Variants in PADI1 observed in about 807,000 individuals in gnomAD.
PADI1 encodes protein-arginine deiminase type-1.
Under a neutral mutation model 74.8 loss-of-function variants are expected in PADI1, and 65 were observed. The observed-to-expected ratio is 0.87, with a 90% CI of 0.71 to 1.07. The LOEUF (loss-of-function observed/expected upper bound fraction) is 1.07. Ranked by LOEUF, PADI1 falls within the 50% of genes least tolerant of loss-of-function variation. The probability of loss-of-function intolerance (pLI) is 0.00; values close to 1 mark genes in which losing one functional copy is unlikely to be tolerated. For synonymous variants in PADI1, 371 were observed against 336.2 expected, an observed-to-expected ratio of 1.10 and a Z score of -1.13; for missense variants, 943 against 854.0, an observed-to-expected ratio of 1.10 and a Z score of -1.30.
intron 2 of PADI1, among the ~76,000 whole-genome samples, chr1:17,222,714 C>T (rs1411364134): frequency 6.6e-6 from 1 of 152,176 alleles, no homozygotes; most frequent in East Asian, 1.9e-4. Flanking sequence ...ACAAGCTCTC[C>T]TAGTCACCCC....
intron 15 of PADI1, among the ~76,000 whole-genome samples, 196 bp downstream of exon 15, chr1:17,240,956 C>T (rs2072764306): frequency 1.3e-5 from 2 of 152,178 alleles, no homozygotes. Flanking sequence ...ATTTTTGTTG[C>T]CGCAGTGAGG....
rs11203335 is a variant in PADI1 at position 17,222,397 on chromosome 1, G to A, written c.200G>A (p.Arg67His). Reference protein sequence around the residue: ...TRVKEPIGKARWPLDTDADMV... With the variant: ...TRVKEPIGKAHWPLDTDADMV... Reference sequence around the variant, plus strand: ...GTGAAAGAGCCCATAGGCAAGGCCCGTTGGCCGCTAGACACTGATGCAGAC... The same window carrying A: ...GTGAAAGAGCCCATAGGCAAGGCCCATTGGCCGCTAGACACTGATGCAGAC... Residue 67 changes from arginine (R) to histidine (H), a missense_variant, in exon 2 of 16, where the codon CGT becomes CAT. Arg to His is a conservative substitution (Grantham distance 29). Coordinates refer to ENST00000375471, the MANE Select transcript of PADI1 (RefSeq NM_013358.3). 1,458 of 1,614,114 alleles carry A rather than the reference G, an allele frequency of 9.0e-4. 16 individuals carry two copies. The African/African-American group carries it at 0.017, about 19-fold the overall frequency.
chr1:17,236,200 C>A (rs968307430), intron 11 of PADI1, among the ~76,000 whole-genome samples: 2 of 152,112 alleles, frequency 1.3e-5, no homozygotes, highest in Non-Finnish European at 2.9e-5. Context: ...GAGAAACAGA[C>A]AATAAGTGAA....
chr1:17,236,882 G>A (rs2072655922), intron 11 of PADI1, among the ~76,000 whole-genome samples: 1 of 152,236 alleles, frequency 6.6e-6, no homozygotes, highest in Admixed American at 6.5e-5. Flanking sequence ...AATATTCCAG[G>A]GTGTAGAAAC....
At position 17,237,404 on chromosome 1, in the gene PADI1, C is replaced by T. The variant is rs1422659153; in HGVS notation, c.1404C>T (p.Leu468=). ...CCGTGGAGCTCTACTCGGACTGGCT[C>T]TCTGTGGGCCATGTGGACGAGTTTC... ...QAPVELYSDW[L]SVGHVDEFLT... is the part of the protein sequence containing the mutation. Residue 468 remains leucine, a synonymous_variant, in exon 12 of 16, where the codon CTC becomes CTT. Coordinates refer to ENST00000375471, the MANE Select transcript of PADI1 (RefSeq NM_013358.3). The T allele has an allele frequency of 6.2e-6, 10 of 1,613,740 alleles. No homozygotes were observed. The East Asian group carries it at 8.9e-5, about 14-fold the overall frequency.
rs2072220816 is a variant in PADI1, at chr1:17,223,545, G to A, written c.274-76G>A. On this transcript the variant is annotated intron_variant, in intron 2 of 15. Transcript: ENST00000375471. ...CTGTGCCTCTAAGTAGGGCTGTCAG[G>A]ATGTGTCCCTCATCACCTCTGCCTC... The A allele has an allele frequency of 2.5e-6, 3 of 1,206,206 alleles. No individual in the cohort carries two copies. In the South Asian group the frequency reaches 3.6e-5, roughly 15 times the overall value. The allele number at this position is 1,206,206 out of a possible 1,614,324, so 74.7% of individuals were successfully genotyped here.
chr1:17,212,054 CTG>C (rs2071845777), intron 1 of PADI1, among the ~76,000 whole-genome samples: 1 of 152,194 alleles, frequency 6.6e-6, no homozygotes, highest in Non-Finnish European at 1.5e-5. Context: ...AATGGGAGCC[CTG>C]TGTGCCCCAG....
chr1:17,237,899 G>A (rs899522451), intron 12 of PADI1, among the ~76,000 whole-genome samples: 10 of 152,172 alleles, frequency 6.6e-5, no homozygotes, highest in Non-Finnish European at 1.5e-4. Flanking sequence ...GGCCTCTACA[G>A]TAAGCCTTGC....
At chr1:17,228,059 C>T (rs1344544249) in intron 6 of PADI1, among the ~76,000 whole-genome samples, 5 of 152,162 alleles carry the variant, frequency 3.3e-5, no homozygotes, top group Admixed American at 1.3e-4. Context: ...GATGCTATCA[C>T]GGCTCACTGC....
Position 17,241,195 on chromosome 1 carries a change from C to T in PADI1, c.1758+435C>T, listed in dbSNP as rs114670976. Among the ~76,000 whole-genome samples the T allele has an allele frequency of 4.5e-3, 681 of 152,312 alleles. 3 individuals carry two copies. The highest frequency in any genetic ancestry group is 0.015 in the African/African-American group (644 of 41,564). On this transcript the variant is annotated intron_variant, in intron 15 of 15. Transcript: ENST00000375471. ...TCCCCAGTGGGGGTCCTGTGTCAGG[C>T]GGTGCAGGTGGGGTGGGCGGTGGCC...
chr1:17,207,785 G>A (rs149864624), intron 1 of PADI1, among the ~76,000 whole-genome samples: 14 of 152,338 alleles, frequency 9.2e-5, no homozygotes, highest in African/African-American at 3.1e-4. Context: ...GAGCACACAG[G>A]GCACCTCCAT....
At chr1:17,208,062 T>C (rs2071727739) in intron 1 of PADI1, among the ~76,000 whole-genome samples, 1 of 152,168 alleles carries the variant, frequency 6.6e-6, no homozygotes, top group Non-Finnish European at 1.5e-5. Flanking sequence ...ACTTGGGGCC[T>C]CCCCAACCCC....
chr1:17,226,337 T>C (rs560058912), intron 6 of PADI1, among the ~76,000 whole-genome samples, 179 bp downstream of exon 6: 2 of 152,290 alleles, frequency 1.3e-5, no homozygotes, highest in South Asian at 4.1e-4. Flanking sequence ...ACGAGTTCCA[T>C]TTTATGGAGA....
chr1:17,222,259 T>G (rs767805531), intron 1 of PADI1, 31 bp from the exon 2 acceptor site: 2 of 1,551,560 alleles, frequency 1.3e-6, no homozygotes, highest in Middle Eastern at 1.8e-4. Flanking sequence ...ATGGGAAGAC[T>G]GGTTCTCTTC....
rs1367513937 is a variant in PADI1, at chr1:17,225,790, AG to A, written c.409-19del. 1 of 1,595,808 alleles carries A rather than the reference AG, an allele frequency of 6.3e-7. No homozygotes were observed. Among genetic ancestry groups the A allele is most frequent in the Non-Finnish European group, 8.6e-7 (1 of 1,163,760 alleles). On this transcript the variant is annotated intron_variant, in intron 4 of 15. Coordinates refer to ENST00000375471, the MANE Select transcript of PADI1 (RefSeq NM_013358.3). ...AGCCTCCTGGGTCCCACTGATCCCA[AG>A]GCATCTTATTTTGCCACAGAAAACC...
chr1:17,228,964 C>A lies in PADI1; in HGVS notation c.842C>A (p.Thr281Asn). 2 of 1,599,758 alleles carry A rather than the reference C, an allele frequency of 1.3e-6. No homozygotes were observed. Among genetic ancestry groups the A allele is most frequent in the African/African-American group, 1.3e-5 (1 of 74,802 alleles). The change falls in exon 8 of 16, where the codon ACC becomes AAC. Residue 281 changes from threonine to asparagine, a missense_variant. Physicochemically the swap from Thr to Asn is moderately conservative, Grantham distance 65. Coordinates refer to ENST00000375471, the MANE Select transcript of PADI1 (RefSeq NM_013358.3). ...LVDPGTLPEV[T>N]LFTDTVGFRM... ...TCCCCTCAGACCCTGCCCGAGGTGACCCTCTTCACAGACACTGTGGGCTTC... is the reference window on the plus strand; with the variant it reads ...TCCCCTCAGACCCTGCCCGAGGTGAACCTCTTCACAGACACTGTGGGCTTC...
chr1:17,244,390 G>A lies in PADI1; in HGVS notation c.*147G>A, dbSNP rs1331974741. 1 of 713,380 alleles carries A rather than the reference G, an allele frequency of 1.4e-6. No individual in the cohort carries two copies. Among genetic ancestry groups the A allele is most frequent in the Admixed American group, 2.0e-5 (1 of 49,930 alleles). The allele number at this position is 713,380 out of a possible 1,614,324, so 44.2% of individuals were successfully genotyped here. On this transcript the variant is annotated 3_prime_UTR_variant, in exon 16 of 16. Transcript: ENST00000375471. Reference sequence around the variant, plus strand: ...GGCCACCATGGGCACCAGGACACAGGGATGGATACCACCTACCCTCGCCTC... The same window carrying A: ...GGCCACCATGGGCACCAGGACACAGAGATGGATACCACCTACCCTCGCCTC...
intron 3 of PADI1, 24 bp from the exon 4 acceptor site, chr1:17,224,343 C>A (rs770577252): frequency 1.9e-6 from 3 of 1,609,128 alleles, no homozygotes; most frequent in African/African-American, 1.3e-5. Context: ...GAGCCCCTGG[C>A]AGCCCCTCTC....
At chr1:17,213,225 A>G (rs1298436288) in intron 1 of PADI1, among the ~76,000 whole-genome samples, 2 of 48,292 alleles carry the variant, frequency 4.1e-5, no homozygotes, top group East Asian at 2.3e-3. Context: ...TAAAAAAAGA[A>G]AAGAAAGCTG....
Sources: gnomAD v4.1 joint callset for allele counts (sites outside exome capture counted in the v4.1 genomes callset) on GRCh38, gnomAD v4.1.1 for gene constraint, MANE v1.5 for transcripts, NCBI Gene and HGNC (gene_info 2026-07-23, HGNC 2026-07-21) for gene names.